ERCC6L2: variants seen among roughly 807,000 people sequenced by gnomAD.
ERCC6L2 encodes ERCC excision repair 6 like 2.
In ERCC6L2, 77 loss-of-function variants were observed where a neutral mutation model predicts 132.0. The observed-to-expected ratio is 0.58, with a 90% CI of 0.49 to 0.71. ERCC6L2 has a LOEUF of 0.71. Among genes scored for constraint, ERCC6L2 ranks in the 30% least tolerant of loss-of-function variants. ERCC6L2 has a pLI of 0.00. For synonymous variants in ERCC6L2, 583 were observed against 632.4 expected (o/e 0.92, Z 1.17); for missense variants, 1,542 against 1,837.6 (o/e 0.84, Z 2.94).
At chr9:95,940,692 T>C (rs1387103805) in intron 11 of ERCC6L2, among the ~76,000 whole-genome samples, 1 of 152,106 alleles carries the variant, frequency 6.6e-6, no homozygotes, top group East Asian at 1.9e-4. Context: ...TTGGTCTATC[T>C]TGGTGAATGT....
chr9:96,035,447 G>T (rs1834508626), intron 19 of ERCC6L2, among the ~76,000 whole-genome samples: 1 of 152,166 alleles, frequency 6.6e-6, no homozygotes, highest in African/African-American at 2.4e-5. Flanking sequence ...ACAGAATATG[G>T]CAGGGAGAGG....
Position 96,004,699 on chromosome 9 carries a change from CA to C in ERCC6L2, c.3673del (p.Arg1225GlufsTer16). 2 of 1,337,680 alleles carry C rather than the reference CA, an allele frequency of 1.5e-6. No individual in the cohort carries two copies. The highest frequency in any genetic ancestry group is 2.0e-6 in the Non-Finnish European group (2 of 1,005,132). The allele number at this position is 1,337,680 out of a possible 1,614,324, so 82.9% of individuals were successfully genotyped here. On this transcript the variant is annotated frameshift_variant and splice_region_variant, in exon 18 of 19. Transcript: ENST00000653738. LOFTEE classifies it low-confidence loss of function (END_TRUNC). Reference sequence around the variant, plus strand: ...TTGGAGAAACACCAAAAGGAATCCGCAGGTATATTGTCTCTGACAATACTAT... The same window carrying C: ...TTGGAGAAACACCAAAAGGAATCCGCGGTATATTGTCTCTGACAATACTAT... ...IIGETPKGIR[R>X]KQFEEMASYF...
chr9:95,968,562 C>T (rs376277806), intron 14 of ERCC6L2: 11 of 152,220 alleles, frequency 7.2e-5, no homozygotes, highest in Admixed American at 4.6e-4. Flanking sequence ...TATTTCACTT[C>T]ATGTGAGACA....
chr9:95,994,696 G>A (rs951652873), intron 17 of ERCC6L2, among the ~76,000 whole-genome samples: 2 of 152,190 alleles, frequency 1.3e-5, no homozygotes, highest in Non-Finnish European at 2.9e-5. Context: ...ATCAGCTATA[G>A]CTGTGTCTCC....
Position 95,922,406 on chromosome 9 carries a change from T to G in ERCC6L2, c.1401T>G (p.Thr467=), listed in dbSNP as rs751844238. The G allele has an allele frequency of 1.2e-6, 2 of 1,603,144 alleles. No individual in the cohort carries two copies. The highest frequency in any genetic ancestry group is 1.7e-6 in the Non-Finnish European group (2 of 1,170,646). The change falls in exon 8 of 19, where the codon ACT becomes ACG. Residue 467 remains threonine (T), a synonymous_variant. Transcript: ENST00000653738. The stretch of plus-strand genomic sequence containing the variant: ...TCGCGCTACTGCAAGCTGCTAGTAC[T>G]TCCAAACAACAGGTTTGGTTAGCAT... ...NHVALLQAAS[T]SKQQETLIKR...
intron 2 of ERCC6L2, among the ~76,000 whole-genome samples, chr9:95,896,434 T>G (rs573508519): frequency 1.6e-3 from 242 of 148,336 alleles, no homozygotes; most frequent in Admixed American, 4.3e-3. Flanking sequence ...TTTTTTTTTT[T>G]ATTTTGAGAC....
In ERCC6L2 at chr9:95,970,662, T is replaced by A; in HGVS notation, c.2181+6T>A. 1 of 1,302,904 alleles carries A rather than the reference T, an allele frequency of 7.7e-7. No individual in the cohort carries two copies. Among genetic ancestry groups the A allele is most frequent in the African/African-American group, 1.5e-5 (1 of 65,880 alleles). 80.7% of individuals were successfully genotyped at this position (1,302,904 alleles called of 1,614,324 possible). On this transcript the variant is annotated splice_donor_region_variant and intron_variant, in intron 15 of 18. Coordinates refer to ENST00000653738, the MANE Select transcript of ERCC6L2 (RefSeq NM_020207.7). The stretch of plus-strand genomic sequence containing the variant: ...CAGCACACAAACTGGAAATGGTATG[T>A]AATATTTGAACCTGTAGACTACAAC...
In ERCC6L2 at chr9:95,928,751, G is replaced by T. The variant is rs376256925; in HGVS notation, c.1638G>T (p.Ala546=). 19 of 1,612,956 alleles carry T rather than the reference G, an allele frequency of 1.2e-5. 1 individual carries two copies. In the African/African-American group the frequency reaches 1.2e-4, roughly 10 times the overall value. The part of the protein sequence containing the change: ...LLDVLQQYCM[A]SGLDYRRLDG... ...ACGTGCTACAGCAGTACTGTATGGC[G>T]TCTGGGCTTGATTACCGACGACTTG... The change falls in exon 11 of 19, where the codon GCG becomes GCT. Residue 546 remains alanine, a synonymous_variant. Coordinates refer to ENST00000653738, the MANE Select transcript of ERCC6L2 (RefSeq NM_020207.7).
intron 2 of ERCC6L2, among the ~76,000 whole-genome samples, chr9:95,890,341 T>G (rs1762470522): frequency 1.3e-5 from 2 of 152,204 alleles, no homozygotes; most frequent in African/African-American, 4.8e-5. Flanking sequence ...CCATTAAACA[T>G]TCATGTTAAT....
At chr9:96,035,495 A>C (rs912702720) in intron 19 of ERCC6L2, among the ~76,000 whole-genome samples, 4 of 152,158 alleles carry the variant, frequency 2.6e-5, no homozygotes, top group African/African-American at 9.7e-5. Context: ...TACCCTCTCC[A>C]CTGATAGCTT....
At chr9:95,943,705 A>G (rs1830914553) in intron 12 of ERCC6L2, among the ~76,000 whole-genome samples, 1 of 152,236 alleles carries the variant, frequency 6.6e-6, no homozygotes, top group Non-Finnish European at 1.5e-5. Context: ...ACATTTCTCC[A>G]AAGAAGGTAT....
chr9:95,991,324 G>A (rs1208171424), intron 17 of ERCC6L2, among the ~76,000 whole-genome samples: 2 of 152,106 alleles, frequency 1.3e-5, no homozygotes, highest in Non-Finnish European at 2.9e-5. Context: ...TTTCTGTTAC[G>A]AATATCTTTG....
chr9:95,923,115 G>T, intron 8 of ERCC6L2, 145 bp from the exon 9 acceptor site: 1 of 860,262 alleles, frequency 1.2e-6, no homozygotes. Context: ...AAGAGTTTTT[G>T]AATTCTTAGT....
chr9:95,987,466 G>A (rs1482172301), intron 17 of ERCC6L2, among the ~76,000 whole-genome samples: 1 of 152,198 alleles, frequency 6.6e-6, no homozygotes, highest in Non-Finnish European at 1.5e-5. Context: ...CCCCATGCAA[G>A]TCCAGAATCC....
At chr9:95,928,603 A>T in intron 10 of ERCC6L2, 116 bp from the exon 11 acceptor site, 11 of 931,158 alleles carry the variant, frequency 1.2e-5, no homozygotes, top group Non-Finnish European at 1.7e-5. Flanking sequence ...TCTTGGAATT[A>T]TAAGAAAGAA....
chr9:95,970,131 A>G (rs542353035), intron 14 of ERCC6L2, among the ~76,000 whole-genome samples: 2 of 152,190 alleles, frequency 1.3e-5, no homozygotes, highest in African/African-American at 4.8e-5. Context: ...GAATATGAAC[A>G]ATAAATATAG....
chr9:96,010,811 C>G (rs1374865828), intron 18 of ERCC6L2, among the ~76,000 whole-genome samples: 1 of 152,176 alleles, frequency 6.6e-6, no homozygotes, highest in East Asian at 1.9e-4. Context: ...CTGTAAACTC[C>G]TTGAAGATAG....
At chr9:95,989,903 G>A (rs1284762043) in intron 17 of ERCC6L2, among the ~76,000 whole-genome samples, 1 of 152,256 alleles carries the variant, frequency 6.6e-6, no homozygotes, top group African/African-American at 2.4e-5. Flanking sequence ...AGGTAGGACA[G>A]TGTTGGGCAA....
intron 11 of ERCC6L2, among the ~76,000 whole-genome samples, chr9:95,931,356 C>T (rs1017667077): frequency 6.6e-6 from 1 of 152,114 alleles, no homozygotes; most frequent in African/African-American, 2.4e-5. Context: ...TTCAATCTGG[C>T]CCAGTTTTCT....
Sources: gnomAD v4.1 joint callset for allele counts (sites outside exome capture counted in the v4.1 genomes callset) on GRCh38, gnomAD v4.1.1 for gene constraint, MANE v1.5 for transcripts, NCBI Gene and HGNC (gene_info 2026-07-23, HGNC 2026-07-21) for gene names.